TAFA5: variants seen among roughly 807,000 people sequenced by gnomAD.
TAFA5 encodes chemokine-like protein TAFA-5.
Under a neutral mutation model 15.3 loss-of-function variants are expected in TAFA5, and 6 were observed. The observed-to-expected ratio is 0.39, with a 90% confidence interval of 0.21 to 0.77. The LOEUF (loss-of-function observed/expected upper bound fraction) is 0.77, where lower values mean the gene tolerates loss of function less well. Ranked by LOEUF, TAFA5 falls within the 30% of genes least tolerant of loss-of-function variation. TAFA5 has a pLI of 0.41. For synonymous variants in TAFA5, 103 were observed against 80.7 expected, an observed-to-expected ratio of 1.28 and a Z score of -1.48; for missense variants, 161 against 193.1, an observed-to-expected ratio of 0.83 and a Z score of 0.98.
intron 1 of TAFA5, among the ~76,000 whole-genome samples, chr22:48,591,025 T>C (rs1569038285): frequency 6.6e-6 from 1 of 152,150 alleles, no homozygotes; most frequent in Non-Finnish European, 1.5e-5. Context: ...CTAATTTTTG[T>C]ATTTTTAGTA....
At chr22:48,711,768 C>T (rs1486877034) in intron 3 of TAFA5, among the ~76,000 whole-genome samples, 1 of 152,224 alleles carries the variant, frequency 6.6e-6, no homozygotes, top group Admixed American at 6.5e-5. Context: ...GAGCTGGCCT[C>T]CAGCCCAGGC....
At chr22:48,641,569 C>A (rs1296760522) in intron 1 of TAFA5, among the ~76,000 whole-genome samples, 2 of 136,818 alleles carry the variant, frequency 1.5e-5, no homozygotes, top group South Asian at 2.8e-4. Flanking sequence ...CCCTCCCCTT[C>A]CCCCTGCACG....
intron 2 of TAFA5, among the ~76,000 whole-genome samples, chr22:48,684,152 A>G (rs1928281979): frequency 1.3e-5 from 2 of 151,846 alleles, no homozygotes; most frequent in African/African-American, 4.8e-5. Flanking sequence ...AGGCAATGGT[A>G]TTTTCTTGGG....
At chr22:48,666,533 G>C (rs1183084376) in intron 2 of TAFA5, among the ~76,000 whole-genome samples, 1 of 152,270 alleles carries the variant, frequency 6.6e-6, no homozygotes, top group South Asian at 2.1e-4. Context: ...CCCGTGACCA[G>C]GCAATACTGA....
At chr22:48,649,704 C>G (rs966357798) in intron 2 of TAFA5, among the ~76,000 whole-genome samples, 2 of 152,012 alleles carry the variant, frequency 1.3e-5, no homozygotes, top group Non-Finnish European at 2.9e-5. Flanking sequence ...CTGCCTGTAT[C>G]TGGAGCCACT....
Position 48,642,311 on chromosome 22 carries a change from C to A in TAFA5, c.113-4286C>A, listed in dbSNP as rs574775840. Among the ~76,000 whole-genome samples the A allele has an allele frequency of 6.6e-5, 10 of 152,288 alleles. No individual in the cohort carries two copies. The East Asian group carries it at 1.7e-3, about 27-fold the overall frequency. ...CAGAAGTTGGGCAGGTGCAAAGGGG[C>A]GGCCCAGGGGTCCGGGTCTACCCTG... On this transcript the variant is annotated intron_variant, in intron 1 of 3. Transcript: ENST00000402357.
intron 1 of TAFA5, among the ~76,000 whole-genome samples, chr22:48,585,283 AAC>A (rs947160761): frequency 2.4e-4 from 36 of 151,086 alleles, no homozygotes; most frequent in Admixed American, 2.1e-3. Flanking sequence ...AACCACACAC[AAC>A]ACACACACAT....
At chr22:48,570,277 C>T (rs901471335) in intron 1 of TAFA5, among the ~76,000 whole-genome samples, 9 of 152,252 alleles carry the variant, frequency 5.9e-5, no homozygotes, top group Admixed American at 2.6e-4. Flanking sequence ...CCACTTCTTC[C>T]TTTTCCTCAG....
At chr22:48,506,499 G>A (rs1223809619) in intron 1 of TAFA5, among the ~76,000 whole-genome samples, 3 of 152,174 alleles carry the variant, frequency 2.0e-5, no homozygotes, top group Admixed American at 1.3e-4. Flanking sequence ...CCCGGCAGTG[G>A]ATCGTCTATC....
chr22:48,681,202 G>A (rs1248809097), intron 2 of TAFA5, among the ~76,000 whole-genome samples: 2 of 152,148 alleles, frequency 1.3e-5, no homozygotes, highest in Non-Finnish European at 2.9e-5. Flanking sequence ...CCTGCCCATC[G>A]CAGCTGTAAC....
chr22:48,604,282 A>G (rs1195368795), intron 1 of TAFA5, among the ~76,000 whole-genome samples: 1 of 152,196 alleles, frequency 6.6e-6, no homozygotes, highest in East Asian at 1.9e-4. Flanking sequence ...CTGACCCTGT[A>G]TGTGTGCCTT....
chr22:48,627,476 C>T (rs1241875784), intron 1 of TAFA5, among the ~76,000 whole-genome samples: 2 of 152,262 alleles, frequency 1.3e-5, no homozygotes, highest in African/African-American at 4.8e-5. Flanking sequence ...GCAAAGAGTG[C>T]CTGTGATGCT....
intron 1 of TAFA5, among the ~76,000 whole-genome samples, chr22:48,592,517 C>T (rs1028667086): frequency 6.6e-5 from 10 of 152,248 alleles, no homozygotes; most frequent in Non-Finnish European, 1.5e-5. Flanking sequence ...TCTTCCCCCT[C>T]CTGCTGTCCC....
intron 3 of TAFA5, among the ~76,000 whole-genome samples, chr22:48,739,876 C>CA (rs1212499199): frequency 6.6e-6 from 1 of 152,194 alleles, no homozygotes; most frequent in African/African-American, 2.4e-5. Context: ...CGGCGCGAGG[C>CA]ACGATTACTC....
At chr22:48,634,430 CACTCATTCATTA>C (rs911857583) in intron 1 of TAFA5, among the ~76,000 whole-genome samples, 1 of 152,198 alleles carries the variant, frequency 6.6e-6, no homozygotes, top group Non-Finnish European at 1.5e-5. Flanking sequence ...CTCATTCACT[CACTCATTCATTA>C]ACTCATTTAG....
intron 1 of TAFA5, among the ~76,000 whole-genome samples, chr22:48,572,799 G>A (rs1923635174): frequency 6.6e-6 from 1 of 152,190 alleles, no homozygotes; most frequent in Non-Finnish European, 1.5e-5. Context: ...GTAGTGGGAC[G>A]ACCATAATTT....
chr22:48,737,467 A>T (rs1160003423), intron 3 of TAFA5, among the ~76,000 whole-genome samples: 4 of 152,094 alleles, frequency 2.6e-5, no homozygotes, highest in Non-Finnish European at 5.9e-5. Context: ...CAACTGAATG[A>T]GGCTGTGGAG....
chr22:48,506,476 G>A (rs192784653), intron 1 of TAFA5, among the ~76,000 whole-genome samples: 1 of 152,250 alleles, frequency 6.6e-6, no homozygotes, highest in Non-Finnish European at 1.5e-5. Flanking sequence ...CATGTCCAGG[G>A]TGTAGGGCTC....
chr22:48,597,949 G>A (rs534260339), intron 1 of TAFA5, among the ~76,000 whole-genome samples: 18 of 152,320 alleles, frequency 1.2e-4, no homozygotes, highest in Non-Finnish European at 1.0e-4. Context: ...CAGGAGTCCC[G>A]GCCCTCCATG....
Sources: gnomAD v4.1 joint callset for allele counts (sites outside exome capture counted in the v4.1 genomes callset) on GRCh38, gnomAD v4.1.1 for gene constraint, MANE v1.5 for transcripts, NCBI Gene and HGNC (gene_info 2026-07-23, HGNC 2026-07-21) for gene names.